FGF7: variants seen among roughly 807,000 people sequenced by gnomAD.
FGF7 encodes the protein FGF-7.
A neutral mutation model predicts 20.5 loss-of-function variants in FGF7; 6 were observed. The ratio of observed to expected loss-of-function variants is 0.29; its 90% CI spans 0.16 to 0.58. The LOEUF is 0.58. Ranked by LOEUF, FGF7 falls within the 20% of genes least tolerant of loss-of-function variation. The pLI, the probability that FGF7 is intolerant of heterozygous loss-of-function variation, is 0.90. For missense variants in FGF7, 144 were observed against 228.8 expected (o/e 0.63, Z 2.39); for synonymous variants, 64 against 74.7 (o/e 0.86, Z 0.74).
chr15:49,471,546 T>C (rs570471469), intron 2 of FGF7, among the ~76,000 whole-genome samples: 26 of 149,770 alleles, frequency 1.7e-4, no homozygotes, highest in African/African-American at 5.9e-4. Flanking sequence ...GCAAATGTAA[T>C]GAATTTATAT....
In FGF7 at chr15:49,424,428, TGAACTGTTCCAGCCCTGAGCGACACACAA is replaced by T; in HGVS notation, c.135_163del (p.Asn45LysfsTer3). The T allele has an allele frequency of 6.2e-7, 1 of 1,613,712 alleles. No individual in the cohort carries two copies. Among genetic ancestry groups the T allele is most frequent in the Non-Finnish European group, 8.5e-7 (1 of 1,179,752 alleles). ...ACTCCAGAGCAAATGGCTACAAATG[TGAACTGTTCCAGCCCTGAGCGACACACAA>T]GAAGTTATGATTACATGGAAGGAGG... is the stretch of plus-strand genomic sequence containing the variant. On this transcript the variant is annotated frameshift_variant, in exon 2 of 4. Coordinates refer to ENST00000267843, the MANE Select transcript of FGF7 (RefSeq NM_002009.4). LOFTEE classifies it high-confidence loss of function.
chr15:49,443,657 G>A (rs1266277070), intron 2 of FGF7, among the ~76,000 whole-genome samples: 1 of 151,694 alleles, frequency 6.6e-6, no homozygotes, highest in African/African-American at 2.4e-5. Flanking sequence ...TGAGAAGTGA[G>A]TGAAGTTCCA....
chr15:49,455,292 A>G (rs2053178331), intron 2 of FGF7, among the ~76,000 whole-genome samples: 1 of 152,174 alleles, frequency 6.6e-6, no homozygotes, highest in African/African-American at 2.4e-5. Flanking sequence ...TATAGCGCTT[A>G]TATTTGTTAT....
chr15:49,447,117 G>C (rs2052294179), intron 2 of FGF7, among the ~76,000 whole-genome samples: 2 of 151,534 alleles, frequency 1.3e-5, no homozygotes, highest in Non-Finnish European at 3.0e-5. Flanking sequence ...CAAGCCTGTG[G>C]TTTCCTACAC....
chr15:49,450,384 G>C (rs2052614595), intron 2 of FGF7, among the ~76,000 whole-genome samples: 1 of 151,908 alleles, frequency 6.6e-6, no homozygotes, highest in Non-Finnish European at 1.5e-5. Flanking sequence ...TGATTATGTT[G>C]CTAAAGATAT....
chr15:49,457,378 T>C (rs900623196), intron 2 of FGF7, among the ~76,000 whole-genome samples: 1 of 152,030 alleles, frequency 6.6e-6, no homozygotes, highest in African/African-American at 2.4e-5. Flanking sequence ...TTATGAGAGA[T>C]AACTTTTTTA....
chr15:49,439,567 A>G (rs2051436859), intron 2 of FGF7, among the ~76,000 whole-genome samples: 1 of 151,798 alleles, frequency 6.6e-6, no homozygotes, highest in African/African-American at 2.4e-5. Context: ...CTAAGTACAC[A>G]TAAAATTAAG....
chr15:49,452,837 G>A (rs1000060000), intron 2 of FGF7, among the ~76,000 whole-genome samples: 4 of 152,080 alleles, frequency 2.6e-5, no homozygotes, highest in Non-Finnish European at 5.9e-5. Context: ...CTCAGCAAAC[G>A]TTAGCTGTTA....
chr15:49,459,361 A>G lies in FGF7; in HGVS notation c.287-23790A>G, dbSNP rs538204993. On this transcript the variant is annotated intron_variant, in intron 2 of 3. Coordinates refer to ENST00000267843, the MANE Select transcript of FGF7 (RefSeq NM_002009.4). ...CAAATTCAAAAACTCTCTTAGAATC[A>G]GAACACCTGTAATTAGTATGTTTAT... Among the ~76,000 whole-genome samples the G allele has an allele frequency of 5.9e-5, 9 of 152,350 alleles. 1 individual carries two copies. In the South Asian group the frequency reaches 1.4e-3, roughly 25 times the overall value.
intron 2 of FGF7, among the ~76,000 whole-genome samples, chr15:49,429,824 T>C (rs1362798814): frequency 2.0e-5 from 3 of 151,888 alleles, no homozygotes; most frequent in African/African-American, 7.2e-5. Context: ...ATTAGATTAC[T>C]GGGGAATTAA....
At chr15:49,429,216 C>T (rs2050383043) in intron 2 of FGF7, among the ~76,000 whole-genome samples, 1 of 151,914 alleles carries the variant, frequency 6.6e-6, no homozygotes, top group Non-Finnish European at 1.5e-5. Flanking sequence ...AACCAAAATC[C>T]TAGCAATTAT....
In FGF7 at chr15:49,488,449, C is replaced by T. The variant is rs773020952; in HGVS notation, c.*3945C>T. 6.6e-6 allele frequency: 1 copy of T among 151,930 alleles called. No homozygotes were observed. The highest frequency in any genetic ancestry group is 1.5e-5 in the Non-Finnish European group (1 of 67,920). The allele number at this position is 151,930 out of a possible 1,614,324, so 9.4% of individuals were successfully genotyped here. On this transcript the variant is annotated 3_prime_UTR_variant, in exon 4 of 4. Transcript: ENST00000267843. ...ACTTGACAGGAAGCAAGAAATAATA[C>T]AGTCCTAGCCTCTTTCCAATAACAT... is the stretch of plus-strand genomic sequence containing the variant.
intron 2 of FGF7, among the ~76,000 whole-genome samples, chr15:49,450,340 A>G (rs553094718): frequency 3.9e-4 from 59 of 152,070 alleles, no homozygotes; most frequent in African/African-American, 1.4e-3. Context: ...TGTGTTCCTG[A>G]CTGTCTAGAG....
rs1051660749 is a variant in FGF7, at chr15:49,476,282, T to C, written c.287-6869T>C. ...ATACTGCCAGGTATCACTTATTTTA[T>C]TTTTTCTGTGGAAAAAGAAAATACT... On this transcript the variant is annotated intron_variant, in intron 2 of 3. Coordinates refer to ENST00000267843, the MANE Select transcript of FGF7 (RefSeq NM_002009.4). Among the ~76,000 whole-genome samples, 3 of 151,026 alleles carry C rather than the reference T, an allele frequency of 2.0e-5. 1 individual carries two copies. Among genetic ancestry groups the C allele is most frequent in the African/African-American group, 7.3e-5 (3 of 41,326 alleles).
chr15:49,479,971 C>T (rs186790285), intron 2 of FGF7, among the ~76,000 whole-genome samples: 1 of 152,278 alleles, frequency 6.6e-6, no homozygotes, highest in Admixed American at 6.5e-5. Flanking sequence ...ACTCCCCACA[C>T]TGCAAGTGAA....
At chr15:49,482,950 C>G (rs113659909) in intron 2 of FGF7, among the ~76,000 whole-genome samples, 1 of 151,922 alleles carries the variant, frequency 6.6e-6, no homozygotes, top group Non-Finnish European at 1.5e-5. Flanking sequence ...AAAAAACCAT[C>G]GGTTTGCACT....
At chr15:49,428,107 T>C (rs2050282176) in intron 2 of FGF7, among the ~76,000 whole-genome samples, 1 of 151,834 alleles carries the variant, frequency 6.6e-6, no homozygotes, top group Non-Finnish European at 1.5e-5. Context: ...ATGGGGGAAT[T>C]CATGAGAGGC....
intron 2 of FGF7, among the ~76,000 whole-genome samples, chr15:49,449,031 T>G (rs2052482651): frequency 6.6e-6 from 1 of 151,952 alleles, no homozygotes; most frequent in African/African-American, 2.4e-5. Context: ...CATTCTTTTC[T>G]GTCTGCACTC....
chr15:49,449,591 T>G (rs910690549), intron 2 of FGF7, among the ~76,000 whole-genome samples: 1 of 152,042 alleles, frequency 6.6e-6, no homozygotes, highest in Non-Finnish European at 1.5e-5. Context: ...ATACTTCTAT[T>G]AAGGCAGCCA....
Sources: gnomAD v4.1 joint callset for allele counts (sites outside exome capture counted in the v4.1 genomes callset) on GRCh38, gnomAD v4.1.1 for gene constraint, MANE v1.5 for transcripts, NCBI Gene and HGNC (gene_info 2026-07-23, HGNC 2026-07-21) for gene names.